FILIP1L: variants seen among roughly 807,000 people sequenced by gnomAD.
FILIP1L encodes the protein filamin A interacting protein 1 like.
FILIP1L carries 55 observed loss-of-function variants against 96.6 expected under a neutral mutation model. That is an observed-to-expected ratio of 0.57 (90% CI 0.46 to 0.71). FILIP1L has a LOEUF of 0.71. Among genes scored for constraint, FILIP1L ranks in the 30% least tolerant of loss-of-function variants. FILIP1L has a pLI of 0.00. For synonymous variants in FILIP1L, 467 were observed against 473.9 expected, an observed-to-expected ratio of 0.99 and a Z score of 0.19; for missense variants, 1,304 against 1,321.2, an observed-to-expected ratio of 0.99 and a Z score of 0.20.
chr3:99,953,129 A>G (rs1429131398), intron 1 of FILIP1L, among the ~76,000 whole-genome samples: 1 of 152,244 alleles, frequency 6.6e-6, no homozygotes, highest in African/African-American at 2.4e-5. Context: ...GGTCAATGCT[A>G]TGTATATAAA....
chr3:99,930,098 G>T, intron 2 of FILIP1L, 69 bp from the exon 3 acceptor site: 1 of 1,312,936 alleles, frequency 7.6e-7, no homozygotes, highest in African/African-American at 1.5e-5. Flanking sequence ...TGATTTTTGT[G>T]ATAGTTGGCA....
At chr3:100,047,084 A>C (rs1263323994) in intron 1 of FILIP1L, among the ~76,000 whole-genome samples, 4 of 152,198 alleles carry the variant, frequency 2.6e-5, no homozygotes, top group African/African-American at 9.6e-5. Flanking sequence ...AAAACTGCTA[A>C]ATGTTTAGCC....
chr3:99,842,772 C>T (rs1387282991), intron 5 of FILIP1L, among the ~76,000 whole-genome samples: 2 of 152,148 alleles, frequency 1.3e-5, no homozygotes, highest in Non-Finnish European at 2.9e-5. Flanking sequence ...TTTATGGTGG[C>T]ATTCTAACTG....
At chr3:99,985,015 G>T (rs1280501350) in intron 1 of FILIP1L, among the ~76,000 whole-genome samples, 1 of 152,112 alleles carries the variant, frequency 6.6e-6, no homozygotes, top group Non-Finnish European at 1.5e-5. Context: ...TACTTAAAGG[G>T]GTTGCCGTGA....
intron 4 of FILIP1L, among the ~76,000 whole-genome samples, chr3:99,863,998 T>C (rs1442436655): frequency 1.3e-5 from 2 of 152,196 alleles, no homozygotes; most frequent in African/African-American, 2.4e-5. Flanking sequence ...AAAATAAACA[T>C]GGTTGCTAAA....
intron 4 of FILIP1L, among the ~76,000 whole-genome samples, chr3:99,915,345 C>T (rs1249694075): frequency 6.6e-6 from 1 of 152,118 alleles, no homozygotes; most frequent in East Asian, 1.9e-4. Context: ...GTGGAAGGGG[C>T]TGTGTAACAA....
At chr3:100,092,198 G>A (rs953932002) in intron 1 of FILIP1L, among the ~76,000 whole-genome samples, 1 of 152,152 alleles carries the variant, frequency 6.6e-6, no homozygotes, top group Non-Finnish European at 1.5e-5. Flanking sequence ...TTGTTAAATA[G>A]GAGGTAGAAA....
intron 4 of FILIP1L, among the ~76,000 whole-genome samples, chr3:99,866,473 A>G (rs1386104805): frequency 6.6e-6 from 1 of 152,198 alleles, no homozygotes; most frequent in African/African-American, 2.4e-5. Flanking sequence ...TTGCCATAGA[A>G]ACAGGATGGA....
At chr3:99,983,389 A>AATAAATATATATATATAT (rs1302972402) in intron 1 of FILIP1L, among the ~76,000 whole-genome samples, 1 of 40,784 alleles carries the variant, frequency 2.5e-5, no homozygotes, top group African/African-American at 1.0e-4. Context: ...TAAATAAATA[A>AATAAATATATATATATAT]ATATATATAT....
chr3:100,067,098 C>A (rs1335469888), intron 1 of FILIP1L, among the ~76,000 whole-genome samples: 1 of 152,132 alleles, frequency 6.6e-6, no homozygotes, highest in Non-Finnish European at 1.5e-5. Context: ...GATGCATGTT[C>A]CCAGGGCACC....
rs192036803 is a variant in FILIP1L at position 99,995,677 on chromosome 3, C to G, written c.-10-64647G>C. Among the ~76,000 whole-genome samples, 101 of 152,356 alleles carry G rather than the reference C, an allele frequency of 6.6e-4. 1 individual carries two copies. The highest frequency in any genetic ancestry group is 2.6e-3 in the Admixed American group (40 of 15,304). On this transcript the variant is annotated intron_variant, in intron 1 of 5. Coordinates refer to ENST00000477258, the MANE Select transcript of FILIP1L (RefSeq NM_001387850.1). Reference sequence around the variant, plus strand: ...GGCGTTTCCATACATCTTCTGACATCTAGGCAGAGGTTCCCAAACCCCAAT... The same window carrying G: ...GGCGTTTCCATACATCTTCTGACATGTAGGCAGAGGTTCCCAAACCCCAAT...
At chr3:99,983,119 T>C (rs143196149) in intron 1 of FILIP1L, among the ~76,000 whole-genome samples, 2 of 152,158 alleles carry the variant, frequency 1.3e-5, no homozygotes, top group African/African-American at 4.8e-5. Flanking sequence ...GCAGTCTTTT[T>C]ACAGCTATTA....
chr3:100,051,405 T>G (rs1237761357), intron 1 of FILIP1L: 1 of 152,054 alleles, frequency 6.6e-6, no homozygotes, highest in Admixed American at 6.5e-5. Flanking sequence ...GTGCACAATG[T>G]GCAGGTTAGT....
At chr3:99,907,127 T>C (rs1706643198) in intron 4 of FILIP1L, among the ~76,000 whole-genome samples, 1 of 152,240 alleles carries the variant, frequency 6.6e-6, no homozygotes, top group African/African-American at 2.4e-5. Context: ...TAGCATATAC[T>C]GGAAGCAGCC....
chr3:99,893,235 G>A (rs7635871), intron 4 of FILIP1L, among the ~76,000 whole-genome samples: 3 of 145,414 alleles, frequency 2.1e-5, no homozygotes, highest in South Asian at 2.2e-4. Flanking sequence ...GCGCAATCTC[G>A]GCTCACTGCA....
At chr3:99,986,417 A>G (rs1367115675) in intron 1 of FILIP1L, among the ~76,000 whole-genome samples, 1 of 152,220 alleles carries the variant, frequency 6.6e-6, no homozygotes, top group African/African-American at 2.4e-5. Context: ...GAAAAAGTAT[A>G]TCACTGGCAT....
intron 1 of FILIP1L, among the ~76,000 whole-genome samples, chr3:100,029,959 A>T (rs1377816252): frequency 6.6e-6 from 1 of 152,126 alleles, no homozygotes; most frequent in African/African-American, 2.4e-5. Flanking sequence ...ATGAGTGAGG[A>T]CTCTAAGAAG....
chr3:99,883,213 G>A (rs1430660025), intron 4 of FILIP1L, among the ~76,000 whole-genome samples: 1 of 152,176 alleles, frequency 6.6e-6, no homozygotes, highest in Non-Finnish European at 1.5e-5. Flanking sequence ...CAGCTCCAGA[G>A]ATTTTTTACT....
At chr3:100,102,082 C>T (rs550460781) in intron 1 of FILIP1L, among the ~76,000 whole-genome samples, 36 of 152,216 alleles carry the variant, frequency 2.4e-4, no homozygotes, top group East Asian at 9.6e-4. Flanking sequence ...AATAAACATA[C>T]GTGTGCATGT....
Sources: gnomAD v4.1 joint callset for allele counts (sites outside exome capture counted in the v4.1 genomes callset) on GRCh38, gnomAD v4.1.1 for gene constraint, MANE v1.5 for transcripts, NCBI Gene and HGNC (gene_info 2026-07-23, HGNC 2026-07-21) for gene names.